The following PLA2G4C variants were observed in gnomAD, a reference collection of about 807,000 sequenced individuals.
PLA2G4C encodes phospholipase A2 group IVC.
Under a neutral mutation model 73.8 loss-of-function variants are expected in PLA2G4C, and 64 were observed. The ratio of observed to expected loss-of-function variants is 0.87; its 90% CI spans 0.71 to 1.07. The LOEUF (loss-of-function observed/expected upper bound fraction) is 1.07. PLA2G4C is among the 50% of genes least tolerant of loss of function. The probability of loss-of-function intolerance (pLI) is 0.00; values close to 1 mark genes in which losing one functional copy is unlikely to be tolerated. For synonymous variants in PLA2G4C, 254 were observed against 252.1 expected, an observed-to-expected ratio of 1.01 and a Z score of -0.07; for missense variants, 622 against 665.4, an observed-to-expected ratio of 0.93 and a Z score of 0.72.
At chr19:48,050,494 CT>C (rs1463562203) in intron 16 of PLA2G4C, among the ~76,000 whole-genome samples, 4 of 152,020 alleles carry the variant, frequency 2.6e-5, no homozygotes, top group Non-Finnish European at 5.9e-5. Context: ...GAAAAGGTGA[CT>C]CAGATAAAGC....
In PLA2G4C at chr19:48,072,050, G is replaced by A. The variant is rs993652166; in HGVS notation, c.1006+2717C>T. On this transcript the variant is annotated intron_variant, in intron 12 of 16. Transcript: ENST00000599921. This position sits in a 1 kb window ranked among gnomAD's most constrained non-coding sequence, Gnocchi z 4.4. The stretch of plus-strand genomic sequence containing the variant: ...GGTCCCAGCTACTCGGGAGGCTGAG[G>A]CAGGAGAATCGCTTGAACCCGGGAG... Among the ~76,000 whole-genome samples the A allele has an allele frequency of 1.6e-4, 25 of 152,030 alleles. 1 individual carries two copies. The highest frequency in any genetic ancestry group is 5.5e-4 in the African/African-American group (23 of 41,516).
chr19:48,079,004 G>A (rs191620247), intron 10 of PLA2G4C, among the ~76,000 whole-genome samples: 1 of 152,166 alleles, frequency 6.6e-6, no homozygotes, highest in African/African-American at 2.4e-5. Flanking sequence ...AAGTAGCTGG[G>A]ATTACAGGCG....
chr19:48,081,694 G>A (rs1383967789), intron 10 of PLA2G4C, among the ~76,000 whole-genome samples: 1 of 152,122 alleles, frequency 6.6e-6, no homozygotes, highest in African/African-American at 2.4e-5. Flanking sequence ...AGGAGGTGGA[G>A]GTTGCGGTGA....
chr19:48,084,120 T>C (rs2030831088), intron 10 of PLA2G4C, among the ~76,000 whole-genome samples: 1 of 151,502 alleles, frequency 6.6e-6, no homozygotes, highest in Non-Finnish European at 1.5e-5. Flanking sequence ...ACTGTAGTGG[T>C]GTGATCTTAG....
intron 1 of PLA2G4C, among the ~76,000 whole-genome samples, chr19:48,107,389 T>A (rs1447992152): frequency 6.6e-6 from 1 of 152,144 alleles, no homozygotes; most frequent in Non-Finnish European, 1.5e-5. Context: ...CCAGGAGCAG[T>A]GGCTCATGCC....
At chr19:48,083,741 C>T (rs1193598514) in intron 10 of PLA2G4C, among the ~76,000 whole-genome samples, 2 of 151,994 alleles carry the variant, frequency 1.3e-5, no homozygotes, top group East Asian at 3.9e-4. Flanking sequence ...GCCACTGCGC[C>T]CGGCCCCTCA....
At chr19:48,061,139 C>T (rs966135861) in intron 14 of PLA2G4C, among the ~76,000 whole-genome samples, 5 of 151,846 alleles carry the variant, frequency 3.3e-5, no homozygotes, top group Admixed American at 6.6e-5. Context: ...ATTTAGAAAA[C>T]TAGCCTGGTG....
At chr19:48,091,007 A>C (rs58740363) in intron 7 of PLA2G4C, among the ~76,000 whole-genome samples, 52 of 46,696 alleles carry the variant, frequency 1.1e-3, no homozygotes, top group South Asian at 3.5e-3. Context: ...CCCTGACTTC[A>C]AAAAAAAAAA....
chr19:48,071,830 C>A (rs1249556937), intron 12 of PLA2G4C, among the ~76,000 whole-genome samples: 1 of 151,866 alleles, frequency 6.6e-6, no homozygotes, highest in Non-Finnish European at 1.5e-5. Flanking sequence ...TCTTGAATAC[C>A]TGGGCTCAAG....
intron 3 of PLA2G4C, 21 bp from the exon 4 acceptor site, chr19:48,104,745 C>T (rs1185767793): frequency 6.2e-6 from 10 of 1,612,676 alleles, no homozygotes; most frequent in South Asian, 4.4e-5. Flanking sequence ...GGGAGAAAAT[C>T]GATCAGAGGT....
chr19:48,067,914 G>A, intron 12 of PLA2G4C, 28 bp from the exon 13 acceptor site: 1 of 1,502,092 alleles, frequency 6.7e-7, no homozygotes. Context: ...GACAGCCAAG[G>A]TGAGTTCAGG....
At chr19:48,077,096 G>A (rs1371760642) in intron 11 of PLA2G4C, among the ~76,000 whole-genome samples, 1 of 152,090 alleles carries the variant, frequency 6.6e-6, no homozygotes, top group Non-Finnish European at 1.5e-5. Context: ...CTCTCAATTT[G>A]CTAATTGCCT....
At chr19:48,087,814 A>G (rs2031067711) in intron 9 of PLA2G4C, among the ~76,000 whole-genome samples, 1 of 151,972 alleles carries the variant, frequency 6.6e-6, no homozygotes, top group Non-Finnish European at 1.5e-5. Flanking sequence ...AGTGCCTGCA[A>G]TCCCAGCTAC....
chr19:48,082,260 ATAT>A (rs1255333880), intron 10 of PLA2G4C, among the ~76,000 whole-genome samples: 4 of 152,022 alleles, frequency 2.6e-5, no homozygotes, highest in African/African-American at 9.7e-5. Context: ...ATATTTAAAA[ATAT>A]TATTACCTAA....
rs775093425 is a variant in PLA2G4C, at chr19:48,106,577, CTCT to C, written c.-32-19_-32-17del. 1.1e-5 allele frequency: 17 copies of C among 1,610,168 alleles called. No homozygotes were observed. The South Asian group carries it at 1.8e-4, about 17-fold the overall frequency. ...CTCAGTCCTCCTGCCAAAGAAATGG[CTCT>C]TCTTAGTCCTGTGCCCACTGTTGGG... On this transcript the variant is annotated splice_polypyrimidine_tract_variant and intron_variant, in intron 1 of 16. Transcript: ENST00000599921.
chr19:48,069,688 G>A (rs1186084045), intron 12 of PLA2G4C, among the ~76,000 whole-genome samples: 1 of 152,156 alleles, frequency 6.6e-6, no homozygotes, highest in East Asian at 1.9e-4. Flanking sequence ...CTAGTAGGGA[G>A]GTGGGTGCTT....
chr19:48,053,057 G>T lies in PLA2G4C; in HGVS notation c.1520C>A (p.Ala507Asp), dbSNP rs1162817293. The T allele has an allele frequency of 1.2e-6, 2 of 1,613,402 alleles. No individual in the cohort carries two copies. The highest frequency in any genetic ancestry group is 1.7e-6 in the Non-Finnish European group (2 of 1,179,508). ...CTTGTTTTCCCTGACATTCTTCTTG[G>T]CTAATGCCAAGAGTAGCACCACCAC... ...LDVVVLLLAL[A>D]KKNVRENKKK... The change falls in exon 16 of 17, where the codon GCC becomes GAC. Residue 507 changes from alanine (A) to aspartate (D), a missense_variant. Transcript: ENST00000599921.
rs3745744 is a variant in PLA2G4C at position 48,048,135 on chromosome 19, C to T, written c.*208G>A. The T allele has an allele frequency of 2.5e-4, 133 of 536,764 alleles. No homozygotes were observed. The East Asian group carries it at 4.4e-3, about 18-fold the overall frequency. 33.3% of individuals were successfully genotyped at this position (536,764 alleles called of 1,614,324 possible). ...GGGACCTGCAGGACAAATTTCACCA[C>T]CTTCAGCTCCTTGGACGCCTTCTTC... On this transcript the variant is annotated 3_prime_UTR_variant, in exon 17 of 17. Transcript: ENST00000599921.
rs778964888 is a variant in PLA2G4C at position 48,099,805 on chromosome 19, G to C, written c.313C>G (p.Leu105Val). 1 of 1,613,896 alleles carries C rather than the reference G, an allele frequency of 6.2e-7. No individual in the cohort carries two copies. Among genetic ancestry groups the C allele is most frequent in the South Asian group, 1.1e-5 (1 of 91,074 alleles). The change falls in exon 5 of 17, where the codon CTG becomes GTG. Residue 105 changes from leucine to valine, a missense_variant. Transcript: ENST00000599921. ...TCCTGTCGGGTAAATCGATGTTTCA[G>C]GTCAGCCTCGAGAGCTTCCATGTCA... ...DGDMEALEAD[L>V]KHRFTRQEWD...
Sources: gnomAD v4.1 joint callset for allele counts (sites outside exome capture counted in the v4.1 genomes callset) on GRCh38, gnomAD v4.1.1 for gene constraint, Gnocchi (gnomAD v3.1) non-coding constraint, MANE v1.5 for transcripts, NCBI Gene and HGNC (gene_info 2026-07-23, HGNC 2026-07-21) for gene names.